The following XPO7 variants were observed in gnomAD, a reference collection of about 807,000 sequenced individuals.
XPO7 encodes the protein exportin 7.
In XPO7, 21 loss-of-function variants were observed where a neutral mutation model predicts 144.3. The ratio of observed to expected loss-of-function variants is 0.15; its 90% CI spans 0.10 to 0.21. The LOEUF (loss-of-function observed/expected upper bound fraction) is 0.21. XPO7 is among the 10% of genes least tolerant of loss of function. The pLI, the probability that XPO7 is intolerant of heterozygous loss-of-function variation, is 1.00. For missense variants in XPO7, 808 were observed against 1,325.8 expected, an observed-to-expected ratio of 0.61 and a Z score of 6.06; for synonymous variants, 580 against 499.6, an observed-to-expected ratio of 1.16 and a Z score of -2.15.
At chr8:22,003,122 C>T in intron 25 of XPO7, 97 bp from the exon 26 acceptor site, 5 of 801,512 alleles carry the variant, frequency 6.2e-6, no homozygotes, top group Non-Finnish European at 5.8e-6. Context: ...ACAGAAAAGG[C>T]CTTCAGCCTA....
chr8:21,958,812 C>T (rs146787940), intron 1 of XPO7, among the ~76,000 whole-genome samples: 1 of 151,994 alleles, frequency 6.6e-6, no homozygotes, highest in African/African-American at 2.4e-5. Context: ...AATACAAAAA[C>T]CAGCCGAACA....
At chr8:21,951,768 G>A (rs761751395) in intron 1 of XPO7, among the ~76,000 whole-genome samples, 1 of 152,160 alleles carries the variant, frequency 6.6e-6, no homozygotes, top group South Asian at 2.1e-4. Flanking sequence ...AGAACCTCAC[G>A]TTCTCAGCCC....
intron 1 of XPO7, among the ~76,000 whole-genome samples, chr8:21,948,977 A>G (rs930191228): frequency 6.6e-6 from 1 of 152,226 alleles, no homozygotes; most frequent in African/African-American, 2.4e-5. Context: ...TTACCAGGAA[A>G]TATGCCCCTC....
chr8:21,956,513 C>T (rs1047264534), intron 1 of XPO7, among the ~76,000 whole-genome samples: 2 of 152,180 alleles, frequency 1.3e-5, no homozygotes, highest in African/African-American at 4.8e-5. Context: ...TCCTTTCCTT[C>T]ACCATTCTCT....
intron 5 of XPO7, 175 bp downstream of exon 5, chr8:21,972,116 C>G: frequency 3.6e-6 from 2 of 549,418 alleles, no homozygotes; most frequent in African/African-American, 3.8e-5. Flanking sequence ...TTGCAACTCA[C>G]CTCACTTTTT....
chr8:21,998,966 T>G (rs1390717886), intron 22 of XPO7, 125 bp from the exon 23 acceptor site: 35 of 1,409,550 alleles, frequency 2.5e-5, no homozygotes, highest in Non-Finnish European at 4.0e-6. Flanking sequence ...TGCTAATACA[T>G]GTGCATTAGA....
At chr8:21,986,186 A>G (rs902187001) in intron 13 of XPO7, among the ~76,000 whole-genome samples, 11 of 143,406 alleles carry the variant, frequency 7.7e-5, no homozygotes, top group Non-Finnish European at 1.6e-4. Flanking sequence ...CACCCAGGCC[A>G]GAGTGCAGTG....
At chr8:21,942,671 A>G (rs1465518312) in intron 1 of XPO7, among the ~76,000 whole-genome samples, 9 of 152,216 alleles carry the variant, frequency 5.9e-5, no homozygotes, top group Admixed American at 3.3e-4. Context: ...TCAACAAGTG[A>G]TAGTTTTGTA....
chr8:21,990,596 G>A (rs1585475161), intron 17 of XPO7, 189 bp downstream of exon 17: 2 of 749,630 alleles, frequency 2.7e-6, no homozygotes, highest in Admixed American at 2.7e-5. Flanking sequence ...GATGATGTGA[G>A]TTATGGTGAA....
chr8:21,982,489 A>C, intron 10 of XPO7, 151 bp from the exon 11 acceptor site: 1 of 831,672 alleles, frequency 1.2e-6, no homozygotes, highest in Non-Finnish European at 1.8e-6. Flanking sequence ...TAAACACATT[A>C]AACTAGATGC....
chr8:21,984,377 GT>G (rs1812507673), intron 11 of XPO7, among the ~76,000 whole-genome samples: 1 of 152,146 alleles, frequency 6.6e-6, no homozygotes, highest in Non-Finnish European at 1.5e-5. Flanking sequence ...GGACTTTGAG[GT>G]TTAAGGCAGA....
At chr8:21,990,074 C>T (rs1240472244) in intron 16 of XPO7, among the ~76,000 whole-genome samples, 2 of 151,894 alleles carry the variant, frequency 1.3e-5, no homozygotes, top group East Asian at 1.9e-4. Context: ...TGGTCTCGAT[C>T]TCCTGACCTC....
chr8:21,966,548 A>G (rs1384767417), intron 1 of XPO7, among the ~76,000 whole-genome samples: 1 of 152,210 alleles, frequency 6.6e-6, no homozygotes, highest in African/African-American at 2.4e-5. Flanking sequence ...TTTTTATTTC[A>G]AAGCCTTTTA....
chr8:21,971,995 T>C, intron 5 of XPO7, 54 bp downstream of exon 5: 6 of 1,540,386 alleles, frequency 3.9e-6, no homozygotes, highest in Non-Finnish European at 5.4e-6. Flanking sequence ...TTCTTAGTAT[T>C]GGTGTTTTCT....
intron 21 of XPO7, among the ~76,000 whole-genome samples, chr8:21,997,883 G>A (rs1222579686): frequency 1.3e-5 from 2 of 152,082 alleles, no homozygotes; most frequent in Non-Finnish European, 2.9e-5. Flanking sequence ...GGCTTTTGAG[G>A]TCTTACCAAC....
At chr8:21,966,176 T>C in intron 1 of XPO7, 2 of 685,090 alleles carry the variant, frequency 2.9e-6, no homozygotes, top group Non-Finnish European at 5.4e-6. Flanking sequence ...GTTTCCCTTG[T>C]CTTATCTGTG....
intron 1 of XPO7, among the ~76,000 whole-genome samples, chr8:21,938,145 CTATA>C (rs1318923840): frequency 2.6e-5 from 4 of 152,112 alleles, no homozygotes; most frequent in Non-Finnish European, 5.9e-5. Context: ...TCTTGTGCAA[CTATA>C]AACAGATTTA....
chr8:22,000,566 C>G (rs1230185165), intron 24 of XPO7, among the ~76,000 whole-genome samples: 1 of 150,814 alleles, frequency 6.6e-6, no homozygotes, highest in Non-Finnish European at 1.5e-5. Context: ...CATTCTTCTG[C>G]CTCAGCCTCC....
chr8:21,933,877 C>CT lies in XPO7; in HGVS notation c.18+14096dup, dbSNP rs34784498. On this transcript the variant is annotated intron_variant, in intron 1 of 27. Coordinates refer to ENST00000252512, the MANE Select transcript of XPO7 (RefSeq NM_015024.5). ...ATGCAGTAAAAAGAATTTATACCCCCTTTTTTTAGAGGGTAGCTAACTGTA... is the reference window on the plus strand; with the variant it reads ...ATGCAGTAAAAAGAATTTATACCCCCTTTTTTTTAGAGGGTAGCTAACTGTA... Among the ~76,000 whole-genome samples the CT allele has an allele frequency of 3.3e-5, 5 of 152,040 alleles. No homozygotes were observed. In the East Asian group the frequency reaches 5.8e-4, roughly 18 times the overall value.
Sources: allele counts gnomAD v4.1 joint callset (sites outside exome capture counted in the v4.1 genomes callset), GRCh38; gene constraint gnomAD v4.1.1; transcripts MANE v1.5; gene names NCBI Gene and HGNC (gene_info 2026-07-23, HGNC 2026-07-21).